WWOX: variants seen among roughly 807,000 people sequenced by gnomAD.
WWOX encodes WW domain-containing oxidoreductase.
A neutral mutation model predicts 46.2 loss-of-function variants in WWOX; 69 were observed. The observed-to-expected ratio is 1.49, with a 90% confidence interval of 1.23 to 1.82. The LOEUF is 1.82. Ranked by LOEUF, WWOX falls within the 40% of genes most tolerant of loss-of-function variation. The pLI is 0.00. For synonymous variants in WWOX, 359 were observed against 202.6 expected, an observed-to-expected ratio of 1.77 and a Z score of -6.56; for missense variants, 919 against 542.6, an observed-to-expected ratio of 1.69 and a Z score of -6.89.
chr16:78,154,361 T>A (rs2034523154), intron 4 of WWOX, among the ~76,000 whole-genome samples: 1 of 152,148 alleles, frequency 6.6e-6, no homozygotes, highest in African/African-American at 2.4e-5. Flanking sequence ...GTTTACTCCC[T>A]GCCTAAATCC....
chr16:78,627,531 T>TA, intron 8 of WWOX, among the ~76,000 whole-genome samples: 1 of 152,082 alleles, frequency 6.6e-6, no homozygotes, highest in South Asian at 2.1e-4. Flanking sequence ...AAGTCACCAA[T>TA]GAGAGTTCAG....
intron 8 of WWOX, among the ~76,000 whole-genome samples, chr16:78,725,087 G>T (rs190872301): frequency 6.6e-6 from 1 of 152,020 alleles, no homozygotes; most frequent in African/African-American, 2.4e-5. Flanking sequence ...GAATCATGGG[G>T]GTGGTTCCCC....
intron 4 of WWOX, among the ~76,000 whole-genome samples, chr16:78,126,846 A>T (rs2033383598): frequency 6.6e-6 from 1 of 152,242 alleles, no homozygotes; most frequent in Admixed American, 6.5e-5. Context: ...CCAAGATGAC[A>T]CAGTAGGCAA....
chr16:79,035,618 C>T (rs1407997331), intron 8 of WWOX, among the ~76,000 whole-genome samples: 1 of 152,188 alleles, frequency 6.6e-6, no homozygotes, highest in East Asian at 1.9e-4. Flanking sequence ...TGGCTCACTG[C>T]AACCTCGTCT....
At chr16:78,431,169 G>C (rs371350891) in intron 7 of WWOX, among the ~76,000 whole-genome samples, 61 of 152,334 alleles carry the variant, frequency 4.0e-4, no homozygotes, top group African/African-American at 1.4e-3. Context: ...GAAACAAACA[G>C]CTGGTGTTTA....
chr16:78,694,124 C>A (rs940313072), intron 8 of WWOX, among the ~76,000 whole-genome samples: 1 of 152,066 alleles, frequency 6.6e-6, no homozygotes, highest in Non-Finnish European at 1.5e-5. Flanking sequence ...CCCAGCTACT[C>A]TGTAGGCTGA....
intron 8 of WWOX, among the ~76,000 whole-genome samples, chr16:78,447,375 C>A (rs2083586234): frequency 6.6e-6 from 1 of 152,198 alleles, no homozygotes; most frequent in South Asian, 2.1e-4. Flanking sequence ...TGTAGAATTT[C>A]TACATCCTGC....
At chr16:78,455,179 C>T (rs1469764556) in intron 8 of WWOX, among the ~76,000 whole-genome samples, 1 of 152,132 alleles carries the variant, frequency 6.6e-6, no homozygotes, top group African/African-American at 2.4e-5. Context: ...GAGATGACGT[C>T]TTTACTGAGA....
intron 8 of WWOX, among the ~76,000 whole-genome samples, chr16:79,120,060 A>C (rs1597392130): frequency 6.6e-6 from 1 of 152,298 alleles, no homozygotes; most frequent in East Asian, 1.9e-4. Flanking sequence ...AACTGCCTGC[A>C]GGAAGAGTGC....
chr16:79,153,485 G>C (rs8048811), intron 8 of WWOX, among the ~76,000 whole-genome samples: 2 of 152,030 alleles, frequency 1.3e-5, no homozygotes, highest in Non-Finnish European at 2.9e-5. Flanking sequence ...GCCTTTTGTC[G>C]TTATGTCTAG....
chr16:79,191,288 T>C (rs2051131231), intron 8 of WWOX, among the ~76,000 whole-genome samples: 1 of 152,108 alleles, frequency 6.6e-6, no homozygotes, highest in Non-Finnish European at 1.5e-5. Flanking sequence ...ACTCCTGAGC[T>C]CAGGCAATCT....
chr16:78,912,259 C>G (rs889591297), intron 8 of WWOX, among the ~76,000 whole-genome samples: 2 of 152,018 alleles, frequency 1.3e-5, no homozygotes, highest in African/African-American at 4.8e-5. Context: ...CACAGGTAAT[C>G]AGGATATATT....
chr16:78,895,753 T>C (rs1029015243), intron 8 of WWOX: 1 of 152,244 alleles, frequency 6.6e-6, no homozygotes, highest in Non-Finnish European at 1.5e-5. Flanking sequence ...AAATGTAATA[T>C]GGCTCTGGCA....
At chr16:78,674,171 T>C (rs970278970) in intron 8 of WWOX, among the ~76,000 whole-genome samples, 16 of 152,118 alleles carry the variant, frequency 1.1e-4, no homozygotes, top group African/African-American at 2.7e-4. Flanking sequence ...CAGAGACTTA[T>C]TGTTTTGGTT....
chr16:79,116,033 T>C (rs2049509125), intron 8 of WWOX, among the ~76,000 whole-genome samples: 1 of 152,214 alleles, frequency 6.6e-6, no homozygotes, highest in East Asian at 1.9e-4. Context: ...CACGATATAA[T>C]AGACTCTTAA....
intron 5 of WWOX, among the ~76,000 whole-genome samples, chr16:78,174,042 A>T (rs1191432533): frequency 6.6e-6 from 1 of 152,082 alleles, no homozygotes; most frequent in Non-Finnish European, 1.5e-5. Flanking sequence ...CTCTCATCTA[A>T]TCACCTCTGA....
chr16:78,493,582 A>C (rs1345444511), intron 8 of WWOX, among the ~76,000 whole-genome samples: 2 of 152,182 alleles, frequency 1.3e-5, no homozygotes, highest in Non-Finnish European at 2.9e-5. Context: ...TTCTTTTTAC[A>C]AGTTCTGATT....
At chr16:78,659,713 A>C (rs926688770) in intron 8 of WWOX, among the ~76,000 whole-genome samples, 1 of 152,124 alleles carries the variant, frequency 6.6e-6, no homozygotes, top group Non-Finnish European at 1.5e-5. Context: ...CAGTGCCCAA[A>C]AGTCTTAGAA....
In WWOX at chr16:78,902,233, G is replaced by C. The variant is rs947788870; in HGVS notation, c.1057-309375G>C. Among the ~76,000 whole-genome samples the C allele has an allele frequency of 2.0e-5, 3 of 152,190 alleles. No homozygotes were observed. The East Asian group carries it at 5.8e-4, about 29-fold the overall frequency. ...TGTGTGCTGTAGTGTCAACAACTTA[G>C]CCTGGTTACTTTGCCACCAAACCCC... is the stretch of plus-strand genomic sequence containing the variant. On this transcript the variant is annotated intron_variant, in intron 8 of 8. Transcript: ENST00000566780.
Sources: allele counts gnomAD v4.1 joint callset (sites outside exome capture counted in the v4.1 genomes callset), GRCh38; gene constraint gnomAD v4.1.1; transcripts MANE v1.5; gene names NCBI Gene and HGNC (gene_info 2026-07-23, HGNC 2026-07-21).